AK8: variants seen among roughly 807,000 people sequenced by gnomAD.
The protein encoded by AK8 is ATP-AMP transphosphorylase 8.
In AK8, 44 loss-of-function variants were observed where a neutral mutation model predicts 54.6. The observed-to-expected ratio is 0.81, with a 90% CI of 0.63 to 1.04. AK8 has a LOEUF of 1.04. Among genes scored for constraint, AK8 ranks in the 50% least tolerant of loss-of-function variants. The pLI is 0.00. For synonymous variants in AK8, 239 were observed against 245.6 expected, an observed-to-expected ratio of 0.97 and a Z score of 0.25; for missense variants, 555 against 613.6, an observed-to-expected ratio of 0.90 and a Z score of 1.01.
Position 132,875,267 on chromosome 9 carries a change from G to C in AK8, c.85-68C>G, listed in dbSNP as rs1465290206. 2.5e-6 allele frequency: 4 copies of C among 1,588,096 alleles called. No individual in the cohort carries two copies. In the East Asian group the frequency reaches 9.1e-5, roughly 36 times the overall value. ...GGGCACCTGGTCACCACAGATACCA[G>C]CTATGGGGCCTGCTCTCTCCACTGC... On this transcript the variant is annotated intron_variant, in intron 1 of 12. Coordinates refer to ENST00000298545, the MANE Select transcript of AK8 (RefSeq NM_152572.3).
At position 132,781,743 on chromosome 9, in the gene AK8, T is replaced by C. The variant is rs1303988225; in HGVS notation, c.1121+10891A>G. On this transcript the variant is annotated intron_variant, in intron 11 of 12. Transcript: ENST00000298545. This position sits in a 1 kb window ranked among gnomAD's most constrained non-coding sequence, Gnocchi z 4.6. ...AAAAACAGCAACACCACAGCTAGAG[T>C]GTTTTATAATTGGCATCACAACCGA... Among the ~76,000 whole-genome samples, 1 of 152,100 alleles carries C rather than the reference T, an allele frequency of 6.6e-6. No homozygotes were observed. Among genetic ancestry groups the C allele is most frequent in the Non-Finnish European group, 1.5e-5 (1 of 68,018 alleles).
At chr9:132,782,629 T>C (rs1020069723) in intron 11 of AK8, among the ~76,000 whole-genome samples, 1 of 151,676 alleles carries the variant, frequency 6.6e-6, no homozygotes, top group Non-Finnish European at 1.5e-5. Context: ...GCGGAGGTTG[T>C]AGTGAGCCAA....
At chr9:132,728,562 C>G (rs992011651) in intron 11 of AK8, among the ~76,000 whole-genome samples, 1 of 152,212 alleles carries the variant, frequency 6.6e-6, no homozygotes, top group African/African-American at 2.4e-5. Flanking sequence ...TCTGCACAGA[C>G]TCGGTACCCC....
chr9:132,840,968 A>G (rs972102405), intron 5 of AK8, among the ~76,000 whole-genome samples: 1 of 152,182 alleles, frequency 6.6e-6, no homozygotes, highest in Non-Finnish European at 1.5e-5. Flanking sequence ...TCTACTCATA[A>G]GGGATCCTCA....
intron 7 of AK8, 49 bp downstream of exon 7, chr9:132,827,964 A>G (rs942630753): frequency 7.8e-6 from 12 of 1,533,388 alleles, no homozygotes; most frequent in Non-Finnish European, 9.7e-6. Context: ...TGTCATCACC[A>G]TGGACTCTGA....
chr9:132,729,038 C>A (rs551124569), intron 11 of AK8, among the ~76,000 whole-genome samples: 5 of 152,032 alleles, frequency 3.3e-5, no homozygotes, highest in African/African-American at 1.2e-4. Flanking sequence ...GTGCACCACC[C>A]CACCCAGATA....
At chr9:132,797,193 T>C (rs215187) in intron 10 of AK8, among the ~76,000 whole-genome samples, 50,038 of 146,658 alleles carry the variant, frequency 0.34, 8,895 homozygotes, top group East Asian at 0.51. Flanking sequence ...CCCACCCCAA[T>C]GCCCACCCCA....
chr9:132,734,301 A>G (rs1836995990), intron 11 of AK8, among the ~76,000 whole-genome samples: 1 of 152,202 alleles, frequency 6.6e-6, no homozygotes, highest in Non-Finnish European at 1.5e-5. Context: ...CCAGGCAGGT[A>G]TGGGAGCCAT....
chr9:132,794,889 T>C (rs1444368722), intron 10 of AK8, among the ~76,000 whole-genome samples: 1 of 152,152 alleles, frequency 6.6e-6, no homozygotes. Context: ...GCTTCCTATC[T>C]GCTGAAAGGA....
intron 11 of AK8, among the ~76,000 whole-genome samples, chr9:132,730,373 A>G (rs1836778989): frequency 6.6e-6 from 1 of 152,034 alleles, no homozygotes; most frequent in Non-Finnish European, 1.5e-5. Flanking sequence ...GAAGGAATGA[A>G]GAAATGAACC....
intron 5 of AK8, among the ~76,000 whole-genome samples, chr9:132,853,333 G>A (rs1843043482): frequency 6.7e-6 from 1 of 148,944 alleles, no homozygotes. Context: ...ACTCCTACCT[G>A]GGCGACAGAA....
In AK8 at chr9:132,837,318, C is replaced by T. The variant is rs1343125054; in HGVS notation, c.403-8592G>A. 2.4e-5 allele frequency among the ~76,000 whole-genome samples: 3 copies of T among 125,450 alleles called. No individual in the cohort carries two copies. Among genetic ancestry groups the T allele is most frequent in the Non-Finnish European group, 4.9e-5 (3 of 60,962 alleles). 82.3% of individuals were successfully genotyped at this position (125,450 alleles called of 152,430 possible). On this transcript the variant is annotated intron_variant, in intron 5 of 12. Transcript: ENST00000298545. The surrounding 1 kb of genome is among the most constrained non-coding windows in gnomAD (Gnocchi z 4.3). ...TGGGTGACAGAGCAAGACTCCATCTCGAAAAAAAAAAAAAAAAAAAGAATG... is the reference window on the plus strand; with the variant it reads ...TGGGTGACAGAGCAAGACTCCATCTTGAAAAAAAAAAAAAAAAAAAGAATG...
chr9:132,852,542 G>A (rs113685364), intron 5 of AK8, among the ~76,000 whole-genome samples: 140 of 151,522 alleles, frequency 9.2e-4, no homozygotes, highest in African/African-American at 3.0e-3. Context: ...CCTGGGAAGC[G>A]GAGGTTGCAG....
intron 5 of AK8, among the ~76,000 whole-genome samples, chr9:132,836,510 C>T (rs1402076016): frequency 6.6e-6 from 1 of 152,136 alleles, no homozygotes; most frequent in Non-Finnish European, 1.5e-5. Flanking sequence ...CAGGTATGAA[C>T]TGAGGGAAGA....
Position 132,828,085 on chromosome 9 carries a change from C to A in AK8, c.485-1G>T. ...ACCGTGTCTGGAGCACTCAGCACAACTGGGCAGAGAAGAAAAGGAGCAAAA... is the reference window on the plus strand; with the variant it reads ...ACCGTGTCTGGAGCACTCAGCACAAATGGGCAGAGAAGAAAAGGAGCAAAA... On this transcript the variant is annotated splice_acceptor_variant, in intron 6 of 12. Transcript: ENST00000298545. LOFTEE classifies it high-confidence loss of function. 2.6e-6 allele frequency: 4 copies of A among 1,568,538 alleles called. No homozygotes were observed. The highest frequency in any genetic ancestry group is 2.6e-6 in the Non-Finnish European group (3 of 1,155,494).
In AK8 at chr9:132,820,394, G is replaced by GT. The variant is rs1841534257; in HGVS notation, c.889+2810dup. ...TTCTGCCCCTCCCTTATTTAGCCAT[G>GT]TATCACTGACATCAAATCACTTTAC... On this transcript the variant is annotated intron_variant, in intron 9 of 12. Transcript: ENST00000298545. Among the ~76,000 whole-genome samples the GT allele has an allele frequency of 3.3e-5, 5 of 152,242 alleles. No individual in the cohort carries two copies. The South Asian group carries it at 1.0e-3, about 32-fold the overall frequency.
At chr9:132,812,382 C>T (rs994134949) in intron 10 of AK8, among the ~76,000 whole-genome samples, 32 of 150,788 alleles carry the variant, frequency 2.1e-4, no homozygotes, top group African/African-American at 7.6e-4. Context: ...AGGCGCCCAC[C>T]ACCACACGTG....
intron 4 of AK8, among the ~76,000 whole-genome samples, chr9:132,858,324 T>C (rs957352349): frequency 7.2e-5 from 11 of 152,250 alleles, no homozygotes; most frequent in Non-Finnish European, 4.4e-5. Context: ...GGCAGCCAAG[T>C]GTGCAGGTGC....
chr9:132,868,357 G>C (rs1843682686), intron 2 of AK8, among the ~76,000 whole-genome samples: 1 of 152,206 alleles, frequency 6.6e-6, no homozygotes, highest in Non-Finnish European at 1.5e-5. Context: ...TTTGGAGGAA[G>C]TCAAGGTAAC....
Sources: allele counts gnomAD v4.1 joint callset (sites outside exome capture counted in the v4.1 genomes callset), GRCh38; gene constraint gnomAD v4.1.1; non-coding constraint Gnocchi (gnomAD v3.1); transcripts MANE v1.5; gene names NCBI Gene and HGNC (gene_info 2026-07-23, HGNC 2026-07-21).